The following TCF3 variants were observed in gnomAD, a reference collection of about 807,000 sequenced individuals.
TCF3 encodes transcription factor E2-alpha.
A neutral mutation model predicts 72.3 loss-of-function variants in TCF3; 54 were observed. The ratio of observed to expected loss-of-function variants is 0.75; its 90% CI spans 0.60 to 0.94. The LOEUF is 0.94. Ranked by LOEUF, TCF3 falls within the 40% of genes least tolerant of loss-of-function variation. The probability of loss-of-function intolerance (pLI) is 0.00; values close to 1 mark genes in which losing one functional copy is unlikely to be tolerated. For synonymous variants in TCF3, 525 were observed against 412.6 expected (o/e 1.27, Z -3.30); for missense variants, 1,078 against 934.4 (o/e 1.15, Z -2.00).
At position 1,627,398 on chromosome 19, in the gene TCF3, G is replaced by C; in HGVS notation, c.327C>G (p.Ala109=). The part of the protein sequence containing the change: ...GGKSGERGAY[A]SFGRDAGVGG... ...CCACGCCTGCGTCTCTCCCGAAGGA[G>C]GCATAGGCGCCCCGCTCACCGCTCT... The change falls in exon 6 of 19, where the codon GCC becomes GCG. Residue 109 remains alanine, a synonymous_variant. Coordinates refer to ENST00000262965, the MANE Select transcript of TCF3 (RefSeq NM_003200.5). 6.2e-7 allele frequency: 1 copy of C among 1,612,110 alleles called. No homozygotes were observed. Among genetic ancestry groups the C allele is most frequent in the Non-Finnish European group, 8.5e-7 (1 of 1,179,756 alleles).
At chr19:1,642,258 GCACA>G (rs1019819285) in intron 3 of TCF3, among the ~76,000 whole-genome samples, 1 of 149,466 alleles carries the variant, frequency 6.7e-6, no homozygotes, top group African/African-American at 2.5e-5. Context: ...ACACACGTGC[GCACA>G]CACGCACGCA....
At chr19:1,617,934 G>C (rs1186947614) in intron 16 of TCF3, among the ~76,000 whole-genome samples, 1 of 152,204 alleles carries the variant, frequency 6.6e-6, no homozygotes, top group Non-Finnish European at 1.5e-5. Context: ...AGCCGCTGCG[G>C]TGAGATGCCC....
Position 1,625,619 on chromosome 19 carries a change from G to C in TCF3, c.456C>G (p.Ser152=). The change falls in exon 7 of 19, where the codon TCC becomes TCG. Residue 152 remains serine (S), a synonymous_variant. Transcript: ENST00000262965. The stretch of plus-strand genomic sequence containing the variant: ...CTCTCCGCCGGGAGCTGCCGGAGTA[G>C]GAGGGGTAGTACTGGGAGGTCCCCT... ...GMKGTSQYYP[S]YSGSSRRRAA... 1 of 1,582,166 alleles carries C rather than the reference G, an allele frequency of 6.3e-7. No homozygotes were observed. The highest frequency in any genetic ancestry group is 1.4e-5 in the African/African-American group (1 of 72,448).
At chr19:1,627,465 A>T (rs1348208354) in intron 5 of TCF3, 39 bp from the exon 6 acceptor site, 1 of 1,601,368 alleles carries the variant, frequency 6.2e-7, no homozygotes, top group Admixed American at 1.7e-5. Flanking sequence ...AGGCGACCCC[A>T]AGGAACATCC....
Position 1,620,829 on chromosome 19 carries a change from C to G in TCF3, c.1093+139G>C, listed in dbSNP as rs766930856. 18 of 893,056 alleles carry G rather than the reference C, an allele frequency of 2.0e-5. No individual in the cohort carries two copies. In the African/African-American group the frequency reaches 3.2e-4, roughly 16 times the overall value. 55.3% of individuals were successfully genotyped at this position (893,056 alleles called of 1,614,324 possible). A position where few individuals can be genotyped will look rare whatever the true frequency, so the allele number is the denominator to read the frequency against. On this transcript the variant is annotated intron_variant, in intron 13 of 18. Coordinates refer to ENST00000262965, the MANE Select transcript of TCF3 (RefSeq NM_003200.5). Reference sequence around the variant, plus strand: ...CCTTGGGGGCCATCTGCTCCCTCCCCGCTGCCTGCCTATCCCAGCAAGGTG... The same window carrying G: ...CCTTGGGGGCCATCTGCTCCCTCCCGGCTGCCTGCCTATCCCAGCAAGGTG...
intron 3 of TCF3, among the ~76,000 whole-genome samples, chr19:1,644,153 G>A (rs1034304947): frequency 1.3e-5 from 2 of 152,242 alleles, no homozygotes; most frequent in African/African-American, 4.8e-5. Flanking sequence ...TGCAGCTCCT[G>A]GGCCCTGCCG....
At chr19:1,650,497 T>G in intron 1 of TCF3, 1 of 473,662 alleles carries the variant, frequency 2.1e-6, no homozygotes, top group Non-Finnish European at 3.8e-6. Context: ...TGCAGAGTCC[T>G]CCCCAGAGAC....
At chr19:1,626,484 T>TCCAGTGGCCCCACGGGGTGGC (rs2062893094) in intron 6 of TCF3, among the ~76,000 whole-genome samples, 1 of 151,370 alleles carries the variant, frequency 6.6e-6, no homozygotes. Flanking sequence ...TCTATCATCA[T>TCCAGTGGCCCCACGGGGTGGC]CCAGTGGCCC....
intron 3 of TCF3, among the ~76,000 whole-genome samples, chr19:1,635,286 T>C (rs1019713700): frequency 7.9e-5 from 12 of 152,286 alleles, no homozygotes; most frequent in African/African-American, 2.4e-4. Context: ...GCTTGCCCCA[T>C]AGCTACAGCA....
intron 3 of TCF3, among the ~76,000 whole-genome samples, chr19:1,641,043 A>G (rs2065163703): frequency 6.6e-6 from 1 of 151,480 alleles, no homozygotes; most frequent in Non-Finnish European, 1.5e-5. Flanking sequence ...CCAGCTACTC[A>G]GGAGGCTGAA....
intron 2 of TCF3, among the ~76,000 whole-genome samples, chr19:1,647,933 G>T (rs1428164181): frequency 6.6e-6 from 1 of 152,176 alleles, no homozygotes; most frequent in South Asian, 2.1e-4. Flanking sequence ...TCTCGCACGC[G>T]GCAGGGCCTG....
At chr19:1,637,986 A>G (rs2064687910) in intron 3 of TCF3, among the ~76,000 whole-genome samples, 1 of 152,364 alleles carries the variant, frequency 6.6e-6, no homozygotes, top group East Asian at 1.9e-4. Flanking sequence ...AAGAAGTTCA[A>G]TGATTTACCC....
chr19:1,621,308 G>A (rs1359991068), intron 11 of TCF3, 117 bp from the exon 12 acceptor site: 1 of 1,257,936 alleles, frequency 7.9e-7, no homozygotes, highest in South Asian at 1.5e-5. Flanking sequence ...AGAGCAGCCT[G>A]ACTCGGGTCC....
chr19:1,617,741 T>C (rs553327910), intron 16 of TCF3, among the ~76,000 whole-genome samples: 10 of 152,292 alleles, frequency 6.6e-5, no homozygotes, highest in Middle Eastern at 6.8e-3. Context: ...AAGACTAAGC[T>C]TGGGGCTGCC....
intron 3 of TCF3, among the ~76,000 whole-genome samples, chr19:1,645,972 C>T (rs981994351): frequency 2.1e-4 from 32 of 152,112 alleles, no homozygotes; most frequent in Admixed American, 6.5e-5. Flanking sequence ...GCCGGGATCC[C>T]GCACCACGCC....
intron 3 of TCF3, among the ~76,000 whole-genome samples, chr19:1,639,258 G>A (rs1315666490): frequency 1.3e-5 from 2 of 152,190 alleles, no homozygotes; most frequent in Non-Finnish European, 2.9e-5. Flanking sequence ...GGGCCAGGCT[G>A]GTCTTGAACT....
At position 1,615,609 on chromosome 19, in the gene TCF3, T is replaced by G; in HGVS notation, c.1586+77A>C. 1 of 1,603,164 alleles carries G rather than the reference T, an allele frequency of 6.2e-7. No individual in the cohort carries two copies. The highest frequency in any genetic ancestry group is 8.5e-7 in the Non-Finnish European group (1 of 1,178,026). The stretch of plus-strand genomic sequence containing the variant: ...CCCGCCGACGGCCTCCCAGTGTGGG[T>G]GCGGTGTGCGTGTGGCCTGTGCACA... On this transcript the variant is annotated intron_variant, in intron 17 of 18. Transcript: ENST00000262965. The surrounding 1 kb of genome is among the most constrained non-coding windows in gnomAD (Gnocchi z 7.3).
At chr19:1,629,380 T>A (rs763807854) in intron 5 of TCF3, among the ~76,000 whole-genome samples, 1 of 152,140 alleles carries the variant, frequency 6.6e-6, no homozygotes, top group South Asian at 2.1e-4. Flanking sequence ...CATTCGCGAA[T>A]GAGCACGTGA....
At chr19:1,623,165 C>T (rs2146181404) in intron 8 of TCF3, among the ~76,000 whole-genome samples, 1 of 152,086 alleles carries the variant, frequency 6.6e-6, no homozygotes, top group Admixed American at 6.5e-5. Context: ...AGATGTATGC[C>T]CAGGGCTCTT....
Sources: allele counts gnomAD v4.1 joint callset (sites outside exome capture counted in the v4.1 genomes callset), GRCh38; gene constraint gnomAD v4.1.1; non-coding constraint Gnocchi (gnomAD v3.1); transcripts MANE v1.5; gene names NCBI Gene and HGNC (gene_info 2026-07-23, HGNC 2026-07-21).